The following INO80 variants were observed in gnomAD, a reference collection of about 807,000 sequenced individuals.
INO80 encodes chromatin-remodeling ATPase INO80.
A neutral mutation model predicts 203.4 loss-of-function variants in INO80; 20 were observed. The observed-to-expected ratio is 0.10, with a 90% confidence interval of 0.07 to 0.14. The LOEUF is 0.14. Among genes scored for constraint, INO80 ranks in the 10% least tolerant of loss-of-function variants. The probability of loss-of-function intolerance (pLI) is 1.00; values close to 1 mark genes in which losing one functional copy is unlikely to be tolerated. For synonymous variants in INO80, 726 were observed against 685.2 expected, an observed-to-expected ratio of 1.06 and a Z score of -0.93; for missense variants, 1,419 against 1,914.4, an observed-to-expected ratio of 0.74 and a Z score of 4.83.
intron 6 of INO80, among the ~76,000 whole-genome samples, chr15:41,085,905 G>A (rs1030720543): frequency 2.0e-5 from 3 of 152,118 alleles, no homozygotes; most frequent in African/African-American, 7.2e-5. Context: ...TGTCGCCCAG[G>A]TTGGAGTGCA....
chr15:41,114,765 T>C (rs1261870725), intron 1 of INO80, among the ~76,000 whole-genome samples: 1 of 151,402 alleles, frequency 6.6e-6, no homozygotes, highest in Admixed American at 6.6e-5. Flanking sequence ...CGGATGAACC[T>C]TGAAAACACC....
chr15:41,010,270 T>C (rs1455960850), intron 27 of INO80, among the ~76,000 whole-genome samples: 1 of 152,242 alleles, frequency 6.6e-6, no homozygotes, highest in East Asian at 1.9e-4. Context: ...CCAATCATTA[T>C]GGCAACCTTT....
At chr15:41,021,598 G>A (rs1342726000) in intron 25 of INO80, among the ~76,000 whole-genome samples, 1 of 152,214 alleles carries the variant, frequency 6.6e-6, no homozygotes, top group Non-Finnish European at 1.5e-5. Context: ...TTGTGGCAAA[G>A]CTCCCAAATT....
At chr15:40,994,802 G>A (rs1358289979) in intron 29 of INO80, among the ~76,000 whole-genome samples, 1 of 152,162 alleles carries the variant, frequency 6.6e-6, no homozygotes, top group Non-Finnish European at 1.5e-5. Flanking sequence ...CTAAAACAAC[G>A]CTGGGCCCTT....
chr15:41,056,837 T>G, intron 16 of INO80, 131 bp from the exon 17 acceptor site: 1 of 673,644 alleles, frequency 1.5e-6, no homozygotes, highest in East Asian at 2.6e-5. Context: ...CATCATGTAT[T>G]CAACTGAAAA....
intron 12 of INO80, 114 bp from the exon 13 acceptor site, chr15:41,070,661 G>C: frequency 1.2e-6 from 1 of 834,754 alleles, no homozygotes; most frequent in Non-Finnish European, 2.0e-6. Context: ...AGTGACCAGA[G>C]ATACTCAGCC....
chr15:41,027,122 G>C (rs530318738), intron 25 of INO80, among the ~76,000 whole-genome samples: 3 of 152,330 alleles, frequency 2.0e-5, no homozygotes, highest in African/African-American at 7.2e-5. Flanking sequence ...ACACAACACT[G>C]AGAAGGTTCT....
chr15:41,004,202 G>C (rs746488355), intron 28 of INO80, among the ~76,000 whole-genome samples: 2 of 152,168 alleles, frequency 1.3e-5, no homozygotes, highest in Non-Finnish European at 2.9e-5. Flanking sequence ...AAATGGAAAC[G>C]GGTTTGAAGC....
chr15:41,100,762 T>C (rs2045795568), intron 1 of INO80, among the ~76,000 whole-genome samples: 1 of 152,142 alleles, frequency 6.6e-6, no homozygotes, highest in Non-Finnish European at 1.5e-5. Context: ...CATTTTTAAG[T>C]GTACACTTCA....
At position 41,100,952 on chromosome 15, in the gene INO80, C is replaced by T. The variant is rs149799949; in HGVS notation, c.-43-4599G>A. ...CAAGTGATTCTCTCACCTCCAGCCT[C>T]CCAAGTAGCTGGGACTACAGGCGCA... On this transcript the variant is annotated intron_variant, in intron 1 of 35. Transcript: ENST00000648947. Among the ~76,000 whole-genome samples the T allele has an allele frequency of 5.5e-3, 837 of 151,946 alleles. 7 individuals are homozygous for T. The highest frequency in any genetic ancestry group is 0.02 in the African/African-American group (811 of 41,436).
chr15:40,985,015 C>A, intron 32 of INO80, among the ~76,000 whole-genome samples: 1 of 152,170 alleles, frequency 6.6e-6, no homozygotes, highest in Non-Finnish European at 1.5e-5. Context: ...TCTTAGGCCC[C>A]TTCTAAGATT....
At position 41,048,336 on chromosome 15, in the gene INO80, A is replaced by G. The variant is rs183275983; in HGVS notation, c.2577-60T>C. ...AAACATAAATAATGGAAAGTTAACT[A>G]GACTAGAGGTTCCATAGCAAGTAAA... On this transcript the variant is annotated intron_variant, in intron 21 of 35. Transcript: ENST00000648947. 9 of 1,268,764 alleles carry G rather than the reference A, an allele frequency of 7.1e-6. No homozygotes were observed. In the East Asian group the frequency reaches 2.1e-4, roughly 29 times the overall value. 78.6% of individuals were successfully genotyped at this position (1,268,764 alleles called of 1,614,324 possible).
chr15:41,068,953 A>T (rs554869297), intron 14 of INO80, among the ~76,000 whole-genome samples: 7 of 152,300 alleles, frequency 4.6e-5, no homozygotes, highest in African/African-American at 1.2e-4. Flanking sequence ...AAATGATAGG[A>T]TGTGTACTGA....
intron 31 of INO80, among the ~76,000 whole-genome samples, chr15:40,985,766 A>G (rs796742643): frequency 2.4e-4 from 37 of 152,172 alleles, no homozygotes; most frequent in African/African-American, 8.9e-4. Flanking sequence ...AAAATTAGCC[A>G]GGCACAGTGG....
chr15:41,014,784 T>G (rs2044179557), intron 27 of INO80, among the ~76,000 whole-genome samples: 2 of 152,292 alleles, frequency 1.3e-5, no homozygotes, highest in South Asian at 4.1e-4. Context: ...ATTGCAAAAT[T>G]CAACAAGCCA....
At chr15:41,042,756 G>A (rs1172979068) in intron 24 of INO80, among the ~76,000 whole-genome samples, 3 of 152,084 alleles carry the variant, frequency 2.0e-5, no homozygotes, top group African/African-American at 7.2e-5. Flanking sequence ...TTACAGGTGT[G>A]AGCCACCACG....
At chr15:41,022,083 C>CT (rs761966369) in intron 25 of INO80, among the ~76,000 whole-genome samples, 4 of 152,194 alleles carry the variant, frequency 2.6e-5, no homozygotes, top group Non-Finnish European at 5.9e-5. Context: ...AAATCTAAAA[C>CT]TTTGAGTGCC....
chr15:41,113,154 G>A (rs961030408), intron 1 of INO80, among the ~76,000 whole-genome samples: 4 of 152,068 alleles, frequency 2.6e-5, no homozygotes, highest in Non-Finnish European at 2.9e-5. Flanking sequence ...GAGCTCAAAC[G>A]ATCCGCCTGC....
At chr15:41,071,813 G>T in intron 12 of INO80, 36 bp downstream of exon 12, 1 of 1,513,970 alleles carries the variant, frequency 6.6e-7, no homozygotes, top group Non-Finnish European at 9.2e-7. Context: ...TAGGAAAAGA[G>T]ATAATAGAAG....
Sources: gnomAD v4.1 joint callset for allele counts (sites outside exome capture counted in the v4.1 genomes callset) on GRCh38, gnomAD v4.1.1 for gene constraint, MANE v1.5 for transcripts, NCBI Gene and HGNC (gene_info 2026-07-23, HGNC 2026-07-21) for gene names.